Variants in ATP1A1 observed in about 807,000 individuals in gnomAD.
ATP1A1 encodes ATPase Na+/K+ transporting subunit alpha 1.
A neutral mutation model predicts 114.8 loss-of-function variants in ATP1A1; 14 were observed. The ratio of observed to expected loss-of-function variants is 0.12; its 90% CI spans 0.08 to 0.19. The LOEUF is 0.19. Among genes scored for constraint, ATP1A1 ranks in the 10% least tolerant of loss-of-function variants. The pLI is 1.00. For synonymous variants in ATP1A1, 471 were observed against 466.3 expected (o/e 1.01, Z -0.13); for missense variants, 524 against 1,290.7 (o/e 0.41, Z 9.10).
intron 1 of ATP1A1, among the ~76,000 whole-genome samples, chr1:116,374,680 A>G (rs2101027093): frequency 6.6e-6 from 1 of 152,292 alleles, no homozygotes; most frequent in East Asian, 1.9e-4. Flanking sequence ...ACACAGAATA[A>G]CCTCGGAGTT....
Position 116,398,854 on chromosome 1 carries a change from G to A in ATP1A1, c.2293+65G>A, listed in dbSNP as rs1322874134. On this transcript the variant is annotated intron_variant, in intron 16 of 22. Transcript: ENST00000295598. The surrounding 1 kb of genome is among the most constrained non-coding windows in gnomAD (Gnocchi z 6.1). Reference sequence around the variant, plus strand: ...ATACTGCCCATTAGCATCCATTTCTGTATACTTCTTGGATATGTTCAGTTT... The same window carrying A: ...ATACTGCCCATTAGCATCCATTTCTATATACTTCTTGGATATGTTCAGTTT... 3 of 1,609,808 alleles carry A rather than the reference G, an allele frequency of 1.9e-6. No individual in the cohort carries two copies. The highest frequency in any genetic ancestry group is 2.5e-6 in the Non-Finnish European group (3 of 1,176,746).
intron 1 of ATP1A1, among the ~76,000 whole-genome samples, chr1:116,378,765 G>T (rs1651538050): frequency 6.6e-6 from 1 of 152,194 alleles, no homozygotes; most frequent in Non-Finnish European, 1.5e-5. Context: ...ATTGAGGAGT[G>T]ATCAGGACTT....
At chr1:116,394,280 A>G (rs1438039220) in intron 12 of ATP1A1, among the ~76,000 whole-genome samples, 3 of 152,144 alleles carry the variant, frequency 2.0e-5, no homozygotes, top group Non-Finnish European at 4.4e-5. Flanking sequence ...CCCATTGTCT[A>G]ATGTATTTGG....
rs568789819 is a variant in ATP1A1, at chr1:116,404,483, C to T, written c.*39C>T. On this transcript the variant is annotated 3_prime_UTR_variant, in exon 23 of 23. Transcript: ENST00000295598. This position sits in a 1 kb window ranked among gnomAD's most constrained non-coding sequence, Gnocchi z 4.8. ...ACGCCGTGGAGCATCAGGCCACACA[C>T]TCTGCATCCGACACCCACCCCCTCT... 8 of 1,590,392 alleles carry T rather than the reference C, an allele frequency of 5.0e-6. No homozygotes were observed. The highest frequency in any genetic ancestry group is 6.0e-6 in the Non-Finnish European group (7 of 1,172,290).
Position 116,387,269 on chromosome 1 carries a change from A to G in ATP1A1, c.184-19A>G. 7 of 1,613,582 alleles carry G rather than the reference A, an allele frequency of 4.3e-6. No homozygotes were observed. The highest frequency in any genetic ancestry group is 5.9e-6 in the Non-Finnish European group (7 of 1,179,960). On this transcript the variant is annotated intron_variant, in intron 3 of 22. Transcript: ENST00000295598. The surrounding 1 kb of genome is among the most constrained non-coding windows in gnomAD (Gnocchi z 6.7). Reference sequence around the variant, plus strand: ...AGTGCTGGTACAGTTTGCCTTATTTATATTCCACTGCTTCTCAGGGATTAA... The same window carrying G: ...AGTGCTGGTACAGTTTGCCTTATTTGTATTCCACTGCTTCTCAGGGATTAA...
intron 1 of ATP1A1, chr1:116,374,031 G>C: frequency 5.7e-6 from 8 of 1,407,318 alleles, no homozygotes; most frequent in Non-Finnish European, 7.4e-6. Context: ...GCCTCCTCCC[G>C]GGCCTCCGTT....
chr1:116,399,208 C>G lies in ATP1A1; in HGVS notation c.2448+124C>G. On this transcript the variant is annotated intron_variant, in intron 17 of 22. Coordinates refer to ENST00000295598, the MANE Select transcript of ATP1A1 (RefSeq NM_000701.8). The surrounding 1 kb of genome is among the most constrained non-coding windows in gnomAD (Gnocchi z 5.0). ...GAAAAGAAATTCTCAGGACCAGTAT[C>G]CAGTGTGTGTCCCAATCCCGGCTTC... The G allele has an allele frequency of 6.9e-7, 1 of 1,449,820 alleles. No individual in the cohort carries two copies. Among genetic ancestry groups the G allele is most frequent in the Non-Finnish European group, 9.5e-7 (1 of 1,054,764 alleles). 89.8% of individuals were successfully genotyped at this position (1,449,820 alleles called of 1,614,324 possible).
At position 116,393,391 on chromosome 1, in the gene ATP1A1, G is replaced by A. The variant is rs752100166; in HGVS notation, c.1468-140G>A. The A allele has an allele frequency of 2.3e-6, 2 of 884,580 alleles. No individual in the cohort carries two copies. Among genetic ancestry groups the A allele is most frequent in the Non-Finnish European group, 3.4e-6 (2 of 585,244 alleles). The allele number at this position is 884,580 out of a possible 1,614,324, so 54.8% of individuals were successfully genotyped here. A position where few individuals can be genotyped will look rare whatever the true frequency, so the allele number is the denominator to read the frequency against. On this transcript the variant is annotated intron_variant, in intron 11 of 22. Transcript: ENST00000295598. The surrounding 1 kb of genome is among the most constrained non-coding windows in gnomAD (Gnocchi z 5.0). The stretch of plus-strand genomic sequence containing the variant: ...GTAGCATTCAAAGTATGTTACAGGT[G>A]TAAGATACTTCAGAGTTCAGAAAGA...
At position 116,398,808 on chromosome 1, in the gene ATP1A1, G is replaced by A. The variant is rs1013049929; in HGVS notation, c.2293+19G>A. ...GAGGAAGGTGAGAGCTATTTAAGGTGTACACCAAGATCTTATTCAGATACT... is the reference window on the plus strand; with the variant it reads ...GAGGAAGGTGAGAGCTATTTAAGGTATACACCAAGATCTTATTCAGATACT... On this transcript the variant is annotated intron_variant, in intron 16 of 22. Coordinates refer to ENST00000295598, the MANE Select transcript of ATP1A1 (RefSeq NM_000701.8). This position sits in a 1 kb window ranked among gnomAD's most constrained non-coding sequence, Gnocchi z 6.1. 1 of 1,613,204 alleles carries A rather than the reference G, an allele frequency of 6.2e-7. No individual in the cohort carries two copies. Among genetic ancestry groups the A allele is most frequent in the African/African-American group, 1.3e-5 (1 of 75,008 alleles).
chr1:116,390,978 G>A (rs1272774943), intron 10 of ATP1A1, 87 bp downstream of exon 10: 5 of 1,177,710 alleles, frequency 4.2e-6, no homozygotes, highest in Non-Finnish European at 6.3e-6. Context: ...TTACCTTTGT[G>A]GTCTGTGTGA....
chr1:116,390,350 A>C lies in ATP1A1; in HGVS notation c.1161A>C (p.Thr387=), dbSNP rs56157844. The C allele has an allele frequency of 3.1e-6, 5 of 1,614,166 alleles. No homozygotes were observed. In the Admixed American group the frequency reaches 8.3e-5, roughly 27 times the overall value. ...GAACTCTGACTCAGAACCGGATGAC[A>C]GTGGCCCACATGTGGTTTGACAATC... ...KTGTLTQNRM[T]VAHMWFDNQI... The change falls in exon 9 of 23, where the codon ACA becomes ACC. Residue 387 remains threonine, a synonymous_variant. Coordinates refer to ENST00000295598, the MANE Select transcript of ATP1A1 (RefSeq NM_000701.8).
intron 1 of ATP1A1, chr1:116,373,819 C>A (rs1167794464): frequency 6.8e-6 from 8 of 1,171,338 alleles, no homozygotes; most frequent in Non-Finnish European, 8.4e-6. Flanking sequence ...CCGGGGGCTC[C>A]GAGAGGCGGT....
Position 116,403,916 on chromosome 1 carries a change from C to T in ATP1A1, c.2984C>T (p.Ser995Phe). ...PTWWFCAFPY[S>F]LLIFVYDEVR... ...TGGTGGTTCTGTGCCTTCCCCTACTCTCTTCTCATCTTCGTATATGACGAA... is the reference window on the plus strand; with the variant it reads ...TGGTGGTTCTGTGCCTTCCCCTACTTTCTTCTCATCTTCGTATATGACGAA... Residue 995 changes from serine to phenylalanine, a missense_variant, in exon 22 of 23, where the codon TCT becomes TTT. Transcript: ENST00000295598. 6.2e-7 allele frequency: 1 copy of T among 1,614,246 alleles called. No individual in the cohort carries two copies. Among genetic ancestry groups the T allele is most frequent in the East Asian group, 2.2e-5 (1 of 44,886 alleles).
chr1:116,373,370 T>TTCCCCCCC lies in ATP1A1; in HGVS notation c.-142_-141insTCCCCCCC. On this transcript the variant is annotated 5_prime_UTR_variant, in exon 1 of 23. Transcript: ENST00000295598. ...CATCGGCCCGAGCCGCCGGCCGCCC[T>TTCCCCCCC]CCCACCCTCCCGCCCCGCGGCAGCC... 2 of 333,836 alleles carry TTCCCCCCC rather than the reference T, an allele frequency of 6.0e-6. No homozygotes were observed. The highest frequency in any genetic ancestry group is 1.0e-5 in the Non-Finnish European group (2 of 191,792). 20.7% of individuals were successfully genotyped at this position (333,836 alleles called of 1,614,324 possible).
intron 10 of ATP1A1, 173 bp from the exon 11 acceptor site, chr1:116,392,681 G>A: frequency 1.5e-6 from 1 of 678,136 alleles, no homozygotes; most frequent in East Asian, 3.0e-5. Flanking sequence ...GTGAACAGCA[G>A]TGGTCGGGGC....
At position 116,381,839 on chromosome 1, in the gene ATP1A1, A is replaced by G. The variant is rs1012987000; in HGVS notation, c.13-2175A>G. Among the ~76,000 whole-genome samples, 2 of 152,228 alleles carry G rather than the reference A, an allele frequency of 1.3e-5. No individual in the cohort carries two copies. The highest frequency in any genetic ancestry group is 2.9e-5 in the Non-Finnish European group (2 of 68,046). The stretch of plus-strand genomic sequence containing the variant: ...ATTTCATTTATTGAAATATATTTCA[A>G]TGATATTCAACTTGCTCAGAGAGAA... On this transcript the variant is annotated intron_variant, in intron 1 of 22. Coordinates refer to ENST00000295598, the MANE Select transcript of ATP1A1 (RefSeq NM_000701.8). The surrounding 1 kb of genome is among the most constrained non-coding windows in gnomAD (Gnocchi z 5.1).
chr1:116,386,661 T>G (rs1351714659), intron 3 of ATP1A1, among the ~76,000 whole-genome samples: 2 of 152,152 alleles, frequency 1.3e-5, no homozygotes, highest in East Asian at 3.8e-4. Flanking sequence ...TTAAGGCCCA[T>G]TAGAAAAATA....
At position 116,388,749 on chromosome 1, in the gene ATP1A1, A is replaced by G. The variant is rs770133739; in HGVS notation, c.613A>G (p.Ile205Val). 1.1e-5 allele frequency: 17 copies of G among 1,614,074 alleles called. No individual in the cohort carries two copies. The highest frequency in any genetic ancestry group is 1.7e-5 in the Admixed American group (1 of 60,004). ...AGACCGAATTCCTGCTGACCTCAGA[A>G]TCATATCTGCAAATGGCTGCAAGGT... ...GGDRIPADLR[I>V]ISANGCKVDN... Residue 205 changes from isoleucine to valine, a missense_variant, in exon 6 of 23, where the codon ATC (isoleucine) becomes GTC (valine). Physicochemically the swap from Ile to Val is conservative, Grantham distance 29 (BLOSUM62 3). Transcript: ENST00000295598. The surrounding 1 kb of genome is among the most constrained non-coding windows in gnomAD (Gnocchi z 5.6).
rs141378291 is a variant in ATP1A1, at chr1:116,398,961, C to T, written c.2325C>T (p.Ser775=). 35 of 1,614,030 alleles carry T rather than the reference C, an allele frequency of 2.2e-5. No individual in the cohort carries two copies. In the African/African-American group the frequency reaches 3.2e-4, roughly 15 times the overall value. ...TGATCTTTGATAACTTGAAGAAATC[C>T]ATTGCTTATACCTTAACCAGTAACA... ...GRLIFDNLKK[S]IAYTLTSNIP... The change falls in exon 17 of 23, where the codon TCC becomes TCT. Residue 775 remains serine (S), a synonymous_variant. Coordinates refer to ENST00000295598, the MANE Select transcript of ATP1A1 (RefSeq NM_000701.8). This position sits in a 1 kb window ranked among gnomAD's most constrained non-coding sequence, Gnocchi z 6.1.
Sources: allele counts gnomAD v4.1 joint callset (sites outside exome capture counted in the v4.1 genomes callset), GRCh38; gene constraint gnomAD v4.1.1; non-coding constraint Gnocchi (gnomAD v3.1); transcripts MANE v1.5; gene names NCBI Gene and HGNC (gene_info 2026-07-23, HGNC 2026-07-21).